WSB1: variants seen among roughly 807,000 people sequenced by gnomAD.
WSB1 encodes the protein WD repeat and SOCS box containing 1.
In WSB1, 23 loss-of-function variants were observed where a neutral mutation model predicts 50.2. That is an observed-to-expected ratio of 0.46 (90% CI 0.33 to 0.65). The LOEUF (loss-of-function observed/expected upper bound fraction) is 0.65. WSB1 is among the 30% of genes least tolerant of loss of function. WSB1 has a pLI of 0.02. For missense variants in WSB1, 492 were observed against 522.3 expected, an observed-to-expected ratio of 0.94 and a Z score of 0.56; for synonymous variants, 179 against 172.0, an observed-to-expected ratio of 1.04 and a Z score of -0.32.
chr17:27,298,041 C>T (rs1312863484), intron 1 of WSB1, among the ~76,000 whole-genome samples: 1 of 147,902 alleles, frequency 6.8e-6, no homozygotes, highest in Non-Finnish European at 1.5e-5. Context: ...GGGAGAATTG[C>T]TTGAACCCGG....
In WSB1 at chr17:27,303,458, G is replaced by A. The variant is rs1158353471; in HGVS notation, c.301G>A (p.Glu101Lys). Residue 101 changes from glutamate (E) to lysine (K), a missense_variant, in exon 3 of 9, where the codon GAA becomes AAA. By Grantham distance (56) the Glu-to-Lys change is moderately conservative. Coordinates refer to ENST00000262394, the MANE Select transcript of WSB1 (RefSeq NM_015626.10). ...SDGGQKNKPR[E>K]HIIDCGDIVW... ...TGGTGGTCAGAAAAATAAGCCTCGT[G>A]AACATATTATAGACTGTGGAGATAT... The A allele has an allele frequency of 6.2e-7, 1 of 1,614,082 alleles. No individual in the cohort carries two copies. The highest frequency in any genetic ancestry group is 1.1e-5 in the South Asian group (1 of 91,074).
At chr17:27,296,873 T>G (rs191475173) in intron 1 of WSB1, among the ~76,000 whole-genome samples, 99 of 152,352 alleles carry the variant, frequency 6.5e-4, no homozygotes, top group Non-Finnish European at 1.1e-3. Flanking sequence ...TCAAAGCACT[T>G]TATTACAAAC....
chr17:27,308,745 G>T (rs936716303), intron 5 of WSB1: 2 of 987,380 alleles, frequency 2.0e-6, no homozygotes, highest in African/African-American at 3.5e-5. Context: ...AAAAAGAGAA[G>T]GGGGTTTGTA....
chr17:27,303,030 T>C, intron 2 of WSB1: 1 of 192,146 alleles, frequency 5.2e-6, no homozygotes, highest in Admixed American at 5.5e-5. Context: ...GTTTTTTTGT[T>C]TGTTTGTTTG....
rs534319033 is a variant in WSB1 at position 27,309,807 on chromosome 17, T to C, written c.885-254T>C. Among the ~76,000 whole-genome samples the C allele has an allele frequency of 3.9e-5, 6 of 152,274 alleles. No homozygotes were observed. In the South Asian group the frequency reaches 1.2e-3, roughly 32 times the overall value. ...CATGTTGGTCAGGCTGGTCTCAATC[T>C]CTTGATCTCGTGATCCACCTGCCTT... is the stretch of plus-strand genomic sequence containing the variant. On this transcript the variant is annotated intron_variant, in intron 6 of 8. Transcript: ENST00000262394.
chr17:27,298,343 T>C (rs911290528), intron 1 of WSB1, among the ~76,000 whole-genome samples: 5 of 152,022 alleles, frequency 3.3e-5, no homozygotes, highest in African/African-American at 1.2e-4. Context: ...AGCATTTTTT[T>C]CCTCCTAAAA....
chr17:27,313,033 TC>T lies in WSB1; in HGVS notation c.*666del, dbSNP rs2017748441. ...TCCAACCTGGACAACAGAGCGAGACTCCATCTCAAAAAAAAAAAAAAATTGT... is the reference window on the plus strand; with the variant it reads ...TCCAACCTGGACAACAGAGCGAGACTCATCTCAAAAAAAAAAAAAAATTGT... On this transcript the variant is annotated 3_prime_UTR_variant, in exon 9 of 9. Transcript: ENST00000262394. The T allele has an allele frequency of 6.7e-6, 1 of 150,060 alleles. No homozygotes were observed. The highest frequency in any genetic ancestry group is 1.5e-5 in the Non-Finnish European group (1 of 67,676). 9.3% of individuals were successfully genotyped at this position (150,060 alleles called of 1,614,324 possible). A position where few individuals can be genotyped will look rare whatever the true frequency, so the allele number is the denominator to read the frequency against.
At chr17:27,308,736 AAAAG>A (rs1218133648) in intron 5 of WSB1, 5 of 987,092 alleles carry the variant, frequency 5.1e-6, no homozygotes, top group African/African-American at 1.7e-5. Context: ...TTCTGGAAAA[AAAAG>A]AGAAGGGGGT....
At chr17:27,303,024 T>C (rs1035308908) in intron 2 of WSB1, 2 of 192,834 alleles carry the variant, frequency 1.0e-5, no homozygotes, top group Admixed American at 1.1e-4. Context: ...TACTGGGTTT[T>C]TTTGTTTGTT....
chr17:27,297,747 A>T (rs971099689), intron 1 of WSB1, among the ~76,000 whole-genome samples: 2 of 152,142 alleles, frequency 1.3e-5, no homozygotes, highest in Non-Finnish European at 2.9e-5. Flanking sequence ...TGCCTGTCCT[A>T]TTACCACTAT....
intron 3 of WSB1, among the ~76,000 whole-genome samples, chr17:27,304,401 C>T (rs2017356572): frequency 6.6e-6 from 1 of 151,690 alleles, no homozygotes; most frequent in South Asian, 2.1e-4. Flanking sequence ...AAATAACAAG[C>T]AAAGAAATAA....
chr17:27,312,383 C>T lies in WSB1; in HGVS notation c.*14C>T. 6.2e-7 allele frequency: 1 copy of T among 1,613,530 alleles called. No individual in the cohort carries two copies. Among genetic ancestry groups the T allele is most frequent in the Non-Finnish European group, 8.5e-7 (1 of 1,179,902 alleles). ...TATCGTATTTAGAAGATTCTGCCTT[C>T]CCTAGTAGTAGGGACTGACAGAATA... On this transcript the variant is annotated 3_prime_UTR_variant, in exon 9 of 9. Transcript: ENST00000262394.
chr17:27,310,662 G>C (rs563717653), intron 7 of WSB1, among the ~76,000 whole-genome samples: 1 of 152,170 alleles, frequency 6.6e-6, no homozygotes, highest in Non-Finnish European at 1.5e-5. Flanking sequence ...GTTCGGTGAC[G>C]TCAATTCATA....
chr17:27,301,915 C>T lies in WSB1; in HGVS notation c.168C>T (p.Arg56=). The stretch of plus-strand genomic sequence containing the variant: ...ACTTTGCTTGGTCACAAGGACATCG[C>T]ACAGTAAAGCTTGTTCCGTGGTCCC... The part of the protein sequence containing the change: ...GSYFAWSQGH[R]TVKLVPWSQC... Residue 56 remains arginine, a synonymous_variant, in exon 2 of 9, where the codon CGC becomes CGT. Coordinates refer to ENST00000262394, the MANE Select transcript of WSB1 (RefSeq NM_015626.10). 1 of 1,609,928 alleles carries T rather than the reference C, an allele frequency of 6.2e-7. No individual in the cohort carries two copies. Among genetic ancestry groups the T allele is most frequent in the Non-Finnish European group, 8.5e-7 (1 of 1,178,382 alleles).
chr17:27,299,426 G>A (rs1438501078), intron 1 of WSB1, among the ~76,000 whole-genome samples: 4 of 152,212 alleles, frequency 2.6e-5, no homozygotes, highest in East Asian at 1.9e-4. Context: ...CAGGAGGATC[G>A]CCTGAGCCTG....
At chr17:27,311,020 A>T (rs1401989715) in intron 7 of WSB1, among the ~76,000 whole-genome samples, 29 of 151,886 alleles carry the variant, frequency 1.9e-4, no homozygotes, top group East Asian at 7.8e-4. Context: ...TAGTTTTTTT[A>T]AAAAATTTTT....
chr17:27,294,512 G>A, intron 1 of WSB1, 77 bp downstream of exon 1: 1 of 1,583,352 alleles, frequency 6.3e-7, no homozygotes, highest in South Asian at 1.1e-5. Context: ...TTGGGAGGAA[G>A]CGACTCCAAG....
chr17:27,301,890 A>G lies in WSB1; in HGVS notation c.143A>G (p.Tyr48Cys), dbSNP rs767178716. ...GTTGCTTTTGCTCCAGATGGTTCAT[A>G]CTTTGCTTGGTCACAAGGACATCGC... ...WTVAFAPDGS[Y>C]FAWSQGHRTV... Residue 48 changes from tyrosine to cysteine, a missense_variant, in exon 2 of 9, where the codon TAC (tyrosine) becomes TGC (cysteine). Transcript: ENST00000262394. The G allele has an allele frequency of 5.0e-5, 81 of 1,613,682 alleles. No homozygotes were observed. The highest frequency in any genetic ancestry group is 6.5e-5 in the Non-Finnish European group (77 of 1,179,868).
rs2017670635 is a variant in WSB1, at chr17:27,311,402, G to A, written c.999-107G>A. 3 of 717,026 alleles carry A rather than the reference G, an allele frequency of 4.2e-6. No homozygotes were observed. The African/African-American group carries it at 5.4e-5, about 13-fold the overall frequency. The allele number at this position is 717,026 out of a possible 1,614,324, so 44.4% of individuals were successfully genotyped here. ...TTATAATTGCCTGTTGGTGTGATGT[G>A]TGTATTTTGTGACTCATAACTCAAT... On this transcript the variant is annotated intron_variant, in intron 7 of 8. Transcript: ENST00000262394.
Sources: gnomAD v4.1 joint callset for allele counts (sites outside exome capture counted in the v4.1 genomes callset) on GRCh38, gnomAD v4.1.1 for gene constraint, MANE v1.5 for transcripts, NCBI Gene and HGNC (gene_info 2026-07-23, HGNC 2026-07-21) for gene names.